Variants in BCR observed in about 807,000 individuals in gnomAD.
BCR encodes the protein BCR activator of RhoGEF and GTPase, also known as breakpoint cluster region protein.
In BCR, 58 loss-of-function variants were observed where a neutral mutation model predicts 138.6. The ratio of observed to expected loss-of-function variants is 0.42; its 90% CI spans 0.34 to 0.52. The LOEUF (loss-of-function observed/expected upper bound fraction) is 0.52, where lower values mean the gene tolerates loss of function less well. Among genes scored for constraint, BCR ranks in the 20% least tolerant of loss-of-function variants. The pLI, the probability that BCR is intolerant of heterozygous loss-of-function variation, is 0.06. For synonymous variants in BCR, 786 were observed against 730.1 expected (o/e 1.08, Z -1.23); for missense variants, 1,599 against 1,727.2 (o/e 0.93, Z 1.32).
chr22:23,233,136 C>G (rs947186355), intron 1 of BCR, among the ~76,000 whole-genome samples: 3 of 152,200 alleles, frequency 2.0e-5, no homozygotes, highest in Admixed American at 6.5e-5. Context: ...CCCTTGGCAT[C>G]TCCAGGCAGA....
At chr22:23,265,775 C>T (rs2073434325) in intron 4 of BCR, among the ~76,000 whole-genome samples, 1 of 152,218 alleles carries the variant, frequency 6.6e-6, no homozygotes, top group Non-Finnish European at 1.5e-5. Context: ...CGCACATAGA[C>T]ACATACACAC....
chr22:23,258,267 G>T (rs898082369), intron 2 of BCR, among the ~76,000 whole-genome samples: 26 of 152,170 alleles, frequency 1.7e-4, no homozygotes, highest in Non-Finnish European at 1.5e-4. Context: ...GGCCCAGGAA[G>T]GCTTTTTAGA....
chr22:23,249,238 G>A (rs1226299769), intron 1 of BCR, among the ~76,000 whole-genome samples: 1 of 152,002 alleles, frequency 6.6e-6, no homozygotes, highest in Admixed American at 6.6e-5. Flanking sequence ...GACCATCCTG[G>A]CTAACATGGT....
At position 23,289,533 on chromosome 22, in the gene BCR, C is replaced by G. The variant is rs1420076539; in HGVS notation, c.2619C>G (p.Ser873=). ...EQQKKCFRSF[S]LTSVELQMLT... is the part of the protein sequence containing the mutation. ...ACCTCCCAGGTTTCAGAAGCTTCTC[C>G]CTGACATCCGTGGAGCTGCAGATGC... Residue 873 remains serine (S), a synonymous_variant, in exon 13 of 23, where the codon TCC becomes TCG. Transcript: ENST00000305877. 3 of 1,614,100 alleles carry G rather than the reference C, an allele frequency of 1.9e-6. No homozygotes were observed. Among genetic ancestry groups the G allele is most frequent in the Non-Finnish European group, 2.5e-6 (3 of 1,180,030 alleles).
chr22:23,183,016 C>T (rs1417392431), intron 1 of BCR, among the ~76,000 whole-genome samples: 1 of 152,252 alleles, frequency 6.6e-6, no homozygotes, highest in East Asian at 1.9e-4. Context: ...TTTGCTGACC[C>T]TCCAGTGTGC....
chr22:23,200,526 A>G (rs1196759236), intron 1 of BCR, among the ~76,000 whole-genome samples: 1 of 151,936 alleles, frequency 6.6e-6, no homozygotes, highest in Non-Finnish European at 1.5e-5. Flanking sequence ...TATGTTGCCC[A>G]GGCTACAAGA....
chr22:23,238,231 AGCT>A (rs958826777), intron 1 of BCR, among the ~76,000 whole-genome samples: 6 of 152,096 alleles, frequency 3.9e-5, no homozygotes, highest in African/African-American at 9.7e-5. Context: ...GGGTGGGGGA[AGCT>A]GGGAACAGAG....
intron 1 of BCR, among the ~76,000 whole-genome samples, chr22:23,209,869 A>G (rs572177801): frequency 1.2e-4 from 19 of 152,284 alleles, no homozygotes; most frequent in Non-Finnish European, 2.5e-4. Context: ...GCCTCAGGCC[A>G]TCCTCCTGCC....
At chr22:23,288,561 C>A (rs2073745387) in intron 12 of BCR, among the ~76,000 whole-genome samples, 3 of 152,148 alleles carry the variant, frequency 2.0e-5, no homozygotes, top group Admixed American at 2.0e-4. Context: ...GCCACCACCC[C>A]ATTTTCTTGG....
At chr22:23,286,564 T>G (rs2073716143) in intron 10 of BCR, among the ~76,000 whole-genome samples, 1 of 152,210 alleles carries the variant, frequency 6.6e-6, no homozygotes, top group South Asian at 2.1e-4. Flanking sequence ...TACTGTTGCA[T>G]TCTCCATGTT....
intron 1 of BCR, among the ~76,000 whole-genome samples, chr22:23,212,077 C>T (rs7292343): frequency 0.067 from 10,244 of 152,272 alleles, 1,151 homozygotes; most frequent in African/African-American, 0.23. Context: ...ACTGCACTCT[C>T]TGACCTCTGC....
intron 6 of BCR, 91 bp from the exon 7 acceptor site, chr22:23,272,990 C>T: frequency 7.1e-7 from 1 of 1,414,212 alleles, no homozygotes; most frequent in East Asian, 2.3e-5. Flanking sequence ...TGGGGCAGCC[C>T]CCTCCCCACT....
At chr22:23,200,893 C>A (rs748773542) in intron 1 of BCR, among the ~76,000 whole-genome samples, 7 of 152,116 alleles carry the variant, frequency 4.6e-5, no homozygotes, top group African/African-American at 1.7e-4. Context: ...CTGGGCTGTT[C>A]ATTTGGAAAA....
chr22:23,239,721 A>G (rs1224233078), intron 1 of BCR, among the ~76,000 whole-genome samples: 1 of 152,220 alleles, frequency 6.6e-6, no homozygotes, highest in East Asian at 1.9e-4. Context: ...TGAGATTGAG[A>G]TGTTGGCTGG....
At chr22:23,297,204 G>GTTTTTTTT (rs1568979500) in intron 16 of BCR, among the ~76,000 whole-genome samples, 4 of 124,156 alleles carry the variant, frequency 3.2e-5, no homozygotes, top group African/African-American at 1.4e-4. Context: ...GCCTGGCTAA[G>GTTTTTTTT]TTGTTTTTTG....
At chr22:23,268,357 A>G (rs763581630) in intron 4 of BCR, 51 bp from the exon 5 acceptor site, 24 of 1,444,318 alleles carry the variant, frequency 1.7e-5, no homozygotes, top group South Asian at 3.7e-5. Context: ...CTTCAGAAAG[A>G]TGGGGGAGCA....
rs540785462 is a variant in BCR at position 23,285,285 on chromosome 22, G to A, written c.2406+84G>A. 120 of 1,445,802 alleles carry A rather than the reference G, an allele frequency of 8.3e-5. No homozygotes were observed. In the East Asian group the frequency reaches 1.2e-3, roughly 14 times the overall value. 89.6% of individuals were successfully genotyped at this position (1,445,802 alleles called of 1,614,324 possible). On this transcript the variant is annotated intron_variant, in intron 10 of 22. Coordinates refer to ENST00000305877, the MANE Select transcript of BCR (RefSeq NM_004327.4). ...CACACGGCCAGTGGGTGCTTTCTCCGTCAGGCCTCTGGGCCCCAGGTCTGG... is the reference window on the plus strand; with the variant it reads ...CACACGGCCAGTGGGTGCTTTCTCCATCAGGCCTCTGGGCCCCAGGTCTGG...
At chr22:23,276,554 A>G (rs763378405) in intron 8 of BCR, among the ~76,000 whole-genome samples, 10 of 152,188 alleles carry the variant, frequency 6.6e-5, no homozygotes, top group Admixed American at 1.3e-4. Flanking sequence ...TGGAGGACTA[A>G]TGACTCTAGA....
intron 1 of BCR, among the ~76,000 whole-genome samples, chr22:23,222,949 C>T (rs1233267099): frequency 6.6e-6 from 1 of 152,154 alleles, no homozygotes; most frequent in African/African-American, 2.4e-5. Context: ...GATCAAGGCA[C>T]CTACAGATTA....
Sources: allele counts gnomAD v4.1 joint callset (sites outside exome capture counted in the v4.1 genomes callset), GRCh38; gene constraint gnomAD v4.1.1; transcripts MANE v1.5; gene names NCBI Gene and HGNC (gene_info 2026-07-23, HGNC 2026-07-21).